GPC6: variants seen among roughly 807,000 people sequenced by gnomAD.
GPC6 encodes the protein glypican 6.
A neutral mutation model predicts 55.2 loss-of-function variants in GPC6; 14 were observed. That is an observed-to-expected ratio of 0.25 (90% CI 0.17 to 0.40). The LOEUF is 0.40. Among genes scored for constraint, GPC6 ranks in the 10% least tolerant of loss-of-function variants. The probability of loss-of-function intolerance (pLI) is 1.00; values close to 1 mark genes in which losing one functional copy is unlikely to be tolerated. For synonymous variants in GPC6, 278 were observed against 259.6 expected (o/e 1.07, Z -0.68); for missense variants, 641 against 708.5 (o/e 0.90, Z 1.08).
chr13:93,765,309 A>ACCAGATAAGCTG (rs1287047496), intron 2 of GPC6, among the ~76,000 whole-genome samples: 1 of 27,502 alleles, frequency 3.6e-5, no homozygotes, highest in Non-Finnish European at 7.4e-5. Flanking sequence ...AAGACAACTT[A>ACCAGATAAGCTG]TTTGGTTTAA....
At chr13:93,696,614 A>ATTT (rs144339785) in intron 2 of GPC6, among the ~76,000 whole-genome samples, 1 of 136,646 alleles carries the variant, frequency 7.3e-6, no homozygotes, top group Non-Finnish European at 1.6e-5. Flanking sequence ...ACCTCCATAA[A>ATTT]TTTTTTTTTT....
intron 4 of GPC6, among the ~76,000 whole-genome samples, chr13:94,057,630 C>T (rs1884176199): frequency 6.6e-6 from 1 of 152,160 alleles, no homozygotes; most frequent in Admixed American, 6.6e-5. Context: ...CATTTATGCA[C>T]TGGAAACCAC....
chr13:93,514,874 CAAA>C (rs907294349), intron 1 of GPC6, among the ~76,000 whole-genome samples: 1 of 152,158 alleles, frequency 6.6e-6, no homozygotes, highest in African/African-American at 2.4e-5. Flanking sequence ...AACAAACAAA[CAAA>C]AACACATTTG....
At chr13:93,743,469 A>C (rs904778057) in intron 2 of GPC6, among the ~76,000 whole-genome samples, 2 of 152,168 alleles carry the variant, frequency 1.3e-5, no homozygotes, top group Non-Finnish European at 2.9e-5. Flanking sequence ...TCATCATTAG[A>C]CTAACATTTT....
chr13:94,287,758 T>C (rs1892569736), intron 5 of GPC6, among the ~76,000 whole-genome samples: 1 of 152,154 alleles, frequency 6.6e-6, no homozygotes. Context: ...AATCATCCAT[T>C]CCTCTCAAAT....
intron 1 of GPC6, among the ~76,000 whole-genome samples, chr13:93,310,536 T>C (rs975089274): frequency 6.6e-6 from 1 of 152,198 alleles, no homozygotes; most frequent in East Asian, 1.9e-4. Flanking sequence ...TAACTAGACT[T>C]TCTGCATTGC....
intron 3 of GPC6, among the ~76,000 whole-genome samples, chr13:94,001,356 TACATTTTTAA>T (rs921111788): frequency 6.6e-6 from 1 of 152,196 alleles, no homozygotes; most frequent in African/African-American, 2.4e-5. Flanking sequence ...ACAAGAAAAT[TACATTTTTAA>T]ACATTTTTAA....
chr13:93,313,809 G>C (rs1879155431), intron 1 of GPC6, among the ~76,000 whole-genome samples: 1 of 152,036 alleles, frequency 6.6e-6, no homozygotes, highest in African/African-American at 2.4e-5. Flanking sequence ...TGGGACTACA[G>C]GTATCTACCA....
intron 1 of GPC6, among the ~76,000 whole-genome samples, chr13:93,241,446 C>T (rs1466327278): frequency 6.6e-6 from 1 of 152,168 alleles, no homozygotes; most frequent in Non-Finnish European, 1.5e-5. Context: ...AAACTTTTCA[C>T]TGCATTTTGT....
chr13:93,855,188 C>T (rs77514291), intron 3 of GPC6, among the ~76,000 whole-genome samples: 5,797 of 151,714 alleles, frequency 0.038, 347 homozygotes, highest in African/African-American at 0.13. Context: ...TTTATCTCTC[C>T]ATCCTTACTA....
intron 4 of GPC6, among the ~76,000 whole-genome samples, chr13:94,276,564 C>T (rs1298517181): frequency 1.3e-5 from 2 of 151,960 alleles, no homozygotes; most frequent in African/African-American, 4.8e-5. Context: ...TTTCCTGCAC[C>T]TGTTGACCCA....
intron 1 of GPC6, among the ~76,000 whole-genome samples, chr13:93,259,091 T>C (rs1424705945): frequency 1.3e-5 from 2 of 152,222 alleles, no homozygotes; most frequent in Admixed American, 6.5e-5. Flanking sequence ...GTAGGGTTAT[T>C]GATTACTTTT....
At chr13:93,608,623 A>G (rs916395825) in intron 2 of GPC6, among the ~76,000 whole-genome samples, 1 of 152,244 alleles carries the variant, frequency 6.6e-6, no homozygotes. Context: ...CTCCCTCTCC[A>G]CAACAGTCCT....
intron 1 of GPC6, among the ~76,000 whole-genome samples, chr13:93,352,273 T>A (rs923069538): frequency 3.9e-5 from 6 of 152,210 alleles, no homozygotes; most frequent in African/African-American, 1.4e-4. Context: ...AAAGAATGCA[T>A]GCATTAGTAT....
intron 4 of GPC6, among the ~76,000 whole-genome samples, chr13:94,279,879 A>G (rs1413732785): frequency 6.6e-6 from 1 of 152,156 alleles, no homozygotes; most frequent in African/African-American, 2.4e-5. Flanking sequence ...GATCAATTTT[A>G]GAGCAAGTGT....
chr13:93,820,382 A>G (rs185936236), intron 2 of GPC6, among the ~76,000 whole-genome samples: 2 of 152,188 alleles, frequency 1.3e-5, no homozygotes, highest in Admixed American at 6.5e-5. Flanking sequence ...AGTTTCCAAT[A>G]CACATTGAGA....
chr13:94,162,979 C>G (rs1017506400), intron 4 of GPC6, among the ~76,000 whole-genome samples: 1 of 152,110 alleles, frequency 6.6e-6, no homozygotes, highest in Non-Finnish European at 1.5e-5. Context: ...GGTTGTTTCT[C>G]TCAGGATAGA....
At chr13:93,500,415 T>G (rs1880477713) in intron 1 of GPC6, among the ~76,000 whole-genome samples, 1 of 152,158 alleles carries the variant, frequency 6.6e-6, no homozygotes, top group African/African-American at 2.4e-5. Flanking sequence ...TGAGGAACAG[T>G]TGGAGCCGGC....
intron 3 of GPC6, among the ~76,000 whole-genome samples, chr13:93,990,043 A>G (rs1192984319): frequency 6.6e-6 from 1 of 151,588 alleles, no homozygotes; most frequent in Non-Finnish European, 1.5e-5. Flanking sequence ...CATGAAATGA[A>G]TTTTTATATC....
Sources: gnomAD v4.1 joint callset for allele counts (sites outside exome capture counted in the v4.1 genomes callset) on GRCh38, gnomAD v4.1.1 for gene constraint, MANE v1.5 for transcripts, NCBI Gene and HGNC (gene_info 2026-07-23, HGNC 2026-07-21) for gene names.